RAD51B: variants seen among roughly 807,000 people sequenced by gnomAD.
RAD51B encodes RAD51 paralog B, also known as DNA repair protein RAD51 homolog 2.
A neutral mutation model predicts 42.2 loss-of-function variants in RAD51B; 38 were observed. The observed-to-expected ratio is 0.90, with a 90% CI of 0.70 to 1.18. RAD51B has a LOEUF of 1.18. Among genes scored for constraint, RAD51B ranks in the 50% most tolerant of loss-of-function variants. The probability of loss-of-function intolerance (pLI) is 0.00; values close to 1 mark genes in which losing one functional copy is unlikely to be tolerated. For missense variants in RAD51B, 373 were observed against 400.7 expected, an observed-to-expected ratio of 0.93 and a Z score of 0.59; for synonymous variants, 154 against 145.2, an observed-to-expected ratio of 1.06 and a Z score of -0.43.
At chr14:68,403,513 C>A (rs937632260) in intron 8 of RAD51B, among the ~76,000 whole-genome samples, 2 of 152,182 alleles carry the variant, frequency 1.3e-5, no homozygotes. Flanking sequence ...AATACTGACA[C>A]GGGTTGGTAC....
At chr14:68,417,252 G>A (rs752212096) in intron 9 of RAD51B, among the ~76,000 whole-genome samples, 1 of 152,100 alleles carries the variant, frequency 6.6e-6, no homozygotes, top group Non-Finnish European at 1.5e-5. Context: ...CTGTTTTTAG[G>A]CAAGGAGGAT....
In RAD51B at chr14:68,516,971, T is replaced by C. The variant is rs569595415; in HGVS notation, c.1036+48721T>C. 6.6e-5 allele frequency among the ~76,000 whole-genome samples: 10 copies of C among 152,366 alleles called. No homozygotes were observed. In the South Asian group the frequency reaches 2.1e-3, roughly 32 times the overall value. The stretch of plus-strand genomic sequence containing the variant: ...TTTTGGCAGAAAATACTGTTAATTA[T>C]TGTCTTTCTTGAAGTGATGAGCTCA... On this transcript the variant is annotated intron_variant, in intron 10 of 10. Coordinates refer to the RAD51B transcript ENST00000487270.
intron 10 of RAD51B, among the ~76,000 whole-genome samples, chr14:68,622,864 C>T (rs1489304870): frequency 1.3e-5 from 2 of 152,064 alleles, no homozygotes; most frequent in Admixed American, 6.5e-5. Context: ...CCTGAGATCC[C>T]GCAGGGAGTC....
chr14:68,306,166 C>T (rs1377401607), intron 8 of RAD51B, among the ~76,000 whole-genome samples: 1 of 152,144 alleles, frequency 6.6e-6, no homozygotes, highest in Admixed American at 6.5e-5. Flanking sequence ...ACGTTTGTAG[C>T]CAAAGCTTTA....
intron 7 of RAD51B, among the ~76,000 whole-genome samples, chr14:68,028,751 C>A (rs985016509): frequency 1.3e-5 from 2 of 152,214 alleles, no homozygotes; most frequent in Non-Finnish European, 2.9e-5. Flanking sequence ...AAGGAGATGG[C>A]AGGCAAGTGG....
intron 8 of RAD51B, among the ~76,000 whole-genome samples, chr14:68,317,600 C>A (rs974675725): frequency 6.6e-6 from 1 of 151,994 alleles, no homozygotes; most frequent in African/African-American, 2.4e-5. Context: ...TCTGTGAGAT[C>A]CAGTCCCTGC....
chr14:67,840,965 C>T (rs1566917882), intron 4 of RAD51B, among the ~76,000 whole-genome samples: 1 of 152,098 alleles, frequency 6.6e-6, no homozygotes, highest in Non-Finnish European at 1.5e-5. Context: ...CCATGCCCAG[C>T]TAATTTTATT....
At chr14:68,404,289 G>A (rs917477535) in intron 8 of RAD51B, among the ~76,000 whole-genome samples, 1 of 152,182 alleles carries the variant, frequency 6.6e-6, no homozygotes, top group Non-Finnish European at 1.5e-5. Context: ...GAGAGGGAGT[G>A]AGCACCTCAA....
intron 7 of RAD51B, among the ~76,000 whole-genome samples, chr14:68,072,373 T>C (rs1383929657): frequency 1.3e-5 from 2 of 151,014 alleles, no homozygotes; most frequent in African/African-American, 4.9e-5. Flanking sequence ...GCAAGGAGAG[T>C]GAGTCCAAGT....
intron 8 of RAD51B, among the ~76,000 whole-genome samples, chr14:68,334,838 T>C (rs1358189757): frequency 6.7e-6 from 1 of 149,678 alleles, no homozygotes; most frequent in African/African-American, 2.4e-5. Flanking sequence ...TTTTATGATA[T>C]ATAGGATAGA....
intron 10 of RAD51B, among the ~76,000 whole-genome samples, chr14:68,567,157 G>C (rs1032235910): frequency 3.3e-5 from 5 of 152,098 alleles, no homozygotes; most frequent in Admixed American, 6.6e-5. Context: ...AAATTAGCTG[G>C]GCGCAGTGGC....
intron 7 of RAD51B, among the ~76,000 whole-genome samples, chr14:68,157,930 G>T (rs2078549382): frequency 6.6e-6 from 1 of 152,138 alleles, no homozygotes. Context: ...TCATCTGAGT[G>T]TTTAGGAAGC....
intron 7 of RAD51B, among the ~76,000 whole-genome samples, chr14:67,952,862 G>GT (rs796384181): frequency 1.3e-5 from 2 of 151,612 alleles, no homozygotes; most frequent in Non-Finnish European, 2.9e-5. Context: ...AAGGAAAAAA[G>GT]TTTTTTAGTT....
chr14:68,596,745 A>G (rs1247816727), downstream of RAD51B, among the ~76,000 whole-genome samples: 1 of 152,244 alleles, frequency 6.6e-6, no homozygotes, highest in East Asian at 1.9e-4. Flanking sequence ...CCTCATCACC[A>G]TCTCCTACAG....
intron 7 of RAD51B, among the ~76,000 whole-genome samples, chr14:68,264,688 A>T (rs1018282954): frequency 6.6e-6 from 1 of 152,166 alleles, no homozygotes; most frequent in African/African-American, 2.4e-5. Flanking sequence ...TTGAGCAGGG[A>T]TTATTTTAAT....
At chr14:68,402,470 T>C (rs906238068) in intron 8 of RAD51B, among the ~76,000 whole-genome samples, 1 of 152,218 alleles carries the variant, frequency 6.6e-6, no homozygotes, top group African/African-American at 2.4e-5. Flanking sequence ...ATTGAATCCT[T>C]CTGATCCCTA....
chr14:68,681,470 A>G (rs1225262960), intron 11 of RAD51B, among the ~76,000 whole-genome samples: 1 of 152,236 alleles, frequency 6.6e-6, no homozygotes, highest in Non-Finnish European at 1.5e-5. Context: ...CTGTGCGTCC[A>G]GTGTTCACTT....
At chr14:68,381,569 G>A (rs558018155) in intron 8 of RAD51B, among the ~76,000 whole-genome samples, 5 of 152,068 alleles carry the variant, frequency 3.3e-5, no homozygotes, top group African/African-American at 7.2e-5. Context: ...CCAGCTACTC[G>A]GGAGGCTGAG....
intron 7 of RAD51B, among the ~76,000 whole-genome samples, chr14:68,114,714 A>T (rs1056583080): frequency 6.6e-6 from 1 of 152,136 alleles, no homozygotes; most frequent in South Asian, 2.1e-4. Flanking sequence ...TTAATATTTC[A>T]TTTTTATTGG....
Sources: allele counts gnomAD v4.1 joint callset (sites outside exome capture counted in the v4.1 genomes callset), GRCh38; gene constraint gnomAD v4.1.1; transcripts MANE v1.5; gene names NCBI Gene and HGNC (gene_info 2026-07-23, HGNC 2026-07-21).